Variants in BTD observed in about 807,000 individuals in gnomAD.
BTD encodes biotinidase, also known as biocytinase.
BTD carries 13 observed loss-of-function variants against 17.7 expected under a neutral mutation model. The ratio of observed to expected loss-of-function variants is 0.74; its 90% CI spans 0.48 to 1.17. The LOEUF is 1.17. Among genes scored for constraint, BTD ranks in the 50% most tolerant of loss-of-function variants. BTD has a pLI of 0.00. For missense variants in BTD, 674 were observed against 650.4 expected (o/e 1.04, Z -0.39); for synonymous variants, 240 against 245.2 (o/e 0.98, Z 0.20).
rs781122085 is a variant in BTD at position 15,677,607 on chromosome 3, T to G, written c.400-32453T>G. ...CAATTCTTATGTTTATGAACATGTT[T>G]CTTAGATTACCAATAACTCACTGTA... On this transcript the variant is annotated intron_variant, in intron 3 of 3. Coordinates refer to the BTD transcript ENST00000672141. 8.4e-6 allele frequency: 12 copies of G among 1,422,682 alleles called. No individual in the cohort carries two copies. In the South Asian group the frequency reaches 1.3e-4, roughly 16 times the overall value. 88.1% of individuals were successfully genotyped at this position (1,422,682 alleles called of 1,614,324 possible).
At chr3:15,616,591 A>G (rs2064798954) in intron 1 of BTD, among the ~76,000 whole-genome samples, 1 of 151,712 alleles carries the variant, frequency 6.6e-6, no homozygotes. Context: ...ACTCCAGCAT[A>G]GGGGACAAGA....
chr3:15,707,361 A>G (rs1289963654), intron 3 of BTD, among the ~76,000 whole-genome samples: 1 of 152,184 alleles, frequency 6.6e-6, no homozygotes, highest in Non-Finnish European at 1.5e-5. Context: ...TCTTGTTTTC[A>G]CTTATTCATT....
In BTD at chr3:15,602,972, C is replaced by T. The variant is rs578204285; in HGVS notation, c.-17+1078C>T. Among the ~76,000 whole-genome samples the T allele has an allele frequency of 4.6e-5, 7 of 152,276 alleles. No individual in the cohort carries two copies. In the East Asian group the frequency reaches 1.2e-3, roughly 25 times the overall value. ...ATCATGGCAGAAGGTGAAGGAGGAG[C>T]AAAGGCATGTCTTACATGGTGGCAG... On this transcript the variant is annotated intron_variant, in intron 1 of 3. Transcript: ENST00000643237.
intron 3 of BTD, among the ~76,000 whole-genome samples, chr3:15,661,995 A>G (rs9822560): frequency 1.3e-5 from 2 of 152,186 alleles, no homozygotes; most frequent in Non-Finnish European, 2.9e-5. Context: ...CCATTCTTTG[A>G]CCAATACCAC....
chr3:15,614,726 A>G (rs2064744359), intron 1 of BTD, among the ~76,000 whole-genome samples: 1 of 151,422 alleles, frequency 6.6e-6, no homozygotes, highest in Non-Finnish European at 1.5e-5. Flanking sequence ...CCACCCAAGT[A>G]GCTGGGACTA....
chr3:15,649,263 T>G lies in BTD; in HGVS notation c.*3775T>G, dbSNP rs1403800050. ...TGTCCTCATGATGTGGCCCCTGGCT[T>G]CCCCTGAAGCAAATGATCCAAGAGA... is the stretch of plus-strand genomic sequence containing the variant. On this transcript the variant is annotated 3_prime_UTR_variant, in exon 4 of 4. Transcript: ENST00000643237. Among the ~76,000 whole-genome samples the G allele has an allele frequency of 6.6e-6, 1 of 152,156 alleles. No individual in the cohort carries two copies. The highest frequency in any genetic ancestry group is 2.4e-5 in the African/African-American group (1 of 41,432).
Position 15,652,383 on chromosome 3 carries a change from C to G in BTD, c.*6895C>G, listed in dbSNP as rs1239574733. On this transcript the variant is annotated 3_prime_UTR_variant, in exon 4 of 4. Coordinates refer to ENST00000643237, the MANE Select transcript of BTD (RefSeq NM_001370658.1). ...GTTGCTCACTTGCTATCTTGGGTCC[C>G]TCCCTCTGGGGAAAGCCAGTTGCCA... 6.6e-6 allele frequency among the ~76,000 whole-genome samples: 1 copy of G among 152,130 alleles called. No homozygotes were observed. Among genetic ancestry groups the G allele is most frequent in the Non-Finnish European group, 1.5e-5 (1 of 68,028 alleles).
intron 1 of BTD, chr3:15,630,147 C>T: frequency 1.1e-5 from 10 of 905,290 alleles, no homozygotes; most frequent in Non-Finnish European, 1.3e-5. Context: ...TTTCATGAAA[C>T]TCAAATCTTG....
rs559697103 is a variant in BTD at position 15,618,836 on chromosome 3, G to A, written c.-16-16588G>A. On this transcript the variant is annotated intron_variant, in intron 1 of 3. Coordinates refer to ENST00000643237, the MANE Select transcript of BTD (RefSeq NM_001370658.1). The stretch of plus-strand genomic sequence containing the variant: ...CACTGTGCCCAGCCAATAGTATTAT[G>A]TTTTAAATTTAAAAGTCCACTGTTT... Among the ~76,000 whole-genome samples the A allele has an allele frequency of 1.9e-3, 283 of 152,254 alleles. 1 individual carries two copies. Among genetic ancestry groups the A allele is most frequent in the African/African-American group, 6.6e-3 (274 of 41,546 alleles).
In BTD at chr3:15,641,357, CCTT is replaced by C. The variant is rs1459895853; in HGVS notation, c.250-550_250-548del. Among the ~76,000 whole-genome samples, 3 of 152,172 alleles carry C rather than the reference CCTT, an allele frequency of 2.0e-5. No homozygotes were observed. The East Asian group carries it at 5.8e-4, about 29-fold the overall frequency. Reference sequence around the variant, plus strand: ...CTACAAATGAGAATCACCCGGGGGACCTTTAAACAAACACTGTTGCCACTATCC... The same window carrying C: ...CTACAAATGAGAATCACCCGGGGGACTAAACAAACACTGTTGCCACTATCC... On this transcript the variant is annotated intron_variant, in intron 2 of 3. Transcript: ENST00000643237.
At chr3:15,721,030 A>G in intron 4 of BTD, 1 of 1,613,950 alleles carries the variant, frequency 6.2e-7, no homozygotes, top group Non-Finnish European at 8.5e-7. Flanking sequence ...TTGATTCACA[A>G]TAGCACCACA....
chr3:15,698,436 G>C (rs1387942155), intron 3 of BTD, among the ~76,000 whole-genome samples: 2 of 152,200 alleles, frequency 1.3e-5, no homozygotes, highest in African/African-American at 4.8e-5. Context: ...ATTAGGAAAA[G>C]AGGAAGTCAA....
intron 1 of BTD, among the ~76,000 whole-genome samples, chr3:15,603,661 A>C (rs1047156826): frequency 5.3e-5 from 8 of 152,216 alleles, no homozygotes; most frequent in African/African-American, 9.6e-5. Context: ...CGTCTCAAAA[A>C]AAATAATAAA....
chr3:15,721,006 C>G, intron 4 of BTD: 5 of 1,613,846 alleles, frequency 3.1e-6, no homozygotes, highest in Non-Finnish European at 4.2e-6. Context: ...AGGAGTAAAT[C>G]CTTTTTCATT....
Position 15,644,998 on chromosome 3 carries a change from A to G in BTD, c.1082A>G (p.Asp361Gly). Residue 361 changes from aspartate (D) to glycine (G), a missense_variant, in exon 4 of 4, where the codon GAT becomes GGT. Coordinates refer to ENST00000643237, the MANE Select transcript of BTD (RefSeq NM_001370658.1). ...AAGGATGCTCAGGAAGTCCACTGTGATGAGGCCACCAAGTGGAACGTGAAT... is the reference window on the plus strand; with the variant it reads ...AAGGATGCTCAGGAAGTCCACTGTGGTGAGGCCACCAAGTGGAACGTGAAT... The part of the protein sequence containing the change: ...CEKDAQEVHC[D>G]EATKWNVNAP... 6.2e-7 allele frequency: 1 copy of G among 1,614,230 alleles called. No individual in the cohort carries two copies. Among genetic ancestry groups the G allele is most frequent in the Non-Finnish European group, 8.5e-7 (1 of 1,180,034 alleles).
chr3:15,665,284 C>G (rs1315005167), intron 3 of BTD, among the ~76,000 whole-genome samples: 3 of 152,182 alleles, frequency 2.0e-5, no homozygotes, highest in African/African-American at 7.2e-5. Context: ...AGTCACTAGC[C>G]AAGCTTTCCT....
chr3:15,638,238 T>C (rs938380075), intron 2 of BTD, among the ~76,000 whole-genome samples: 3 of 152,172 alleles, frequency 2.0e-5, no homozygotes, highest in African/African-American at 7.2e-5. Flanking sequence ...CAGCCCATGG[T>C]GTTCTGGCAG....
intron 3 of BTD, among the ~76,000 whole-genome samples, chr3:15,660,124 A>G (rs2065908161): frequency 6.6e-6 from 1 of 152,196 alleles, no homozygotes; most frequent in Non-Finnish European, 1.5e-5. Flanking sequence ...GGGAGGTACT[A>G]TGGTCCTCAT....
chr3:15,679,784 C>G (rs1272005745), intron 3 of BTD, among the ~76,000 whole-genome samples: 1 of 152,076 alleles, frequency 6.6e-6, no homozygotes, highest in Non-Finnish European at 1.5e-5. Flanking sequence ...ATACAGTTGG[C>G]TCTCTGTATC....
Sources: allele counts gnomAD v4.1 joint callset (sites outside exome capture counted in the v4.1 genomes callset), GRCh38; gene constraint gnomAD v4.1.1; transcripts MANE v1.5; gene names NCBI Gene and HGNC (gene_info 2026-07-23, HGNC 2026-07-21).